The following CCDC3 variants were observed in gnomAD, a reference collection of about 807,000 sequenced individuals.
The protein encoded by CCDC3 is coiled-coil domain-containing protein 3.
In CCDC3, 24 loss-of-function variants were observed where a neutral mutation model predicts 21.4. The observed-to-expected ratio is 1.12, with a 90% CI of 0.81 to 1.58. The LOEUF is 1.58. Ranked by LOEUF, CCDC3 falls within the 40% of genes most tolerant of loss-of-function variation. The pLI is 0.00. For synonymous variants in CCDC3, 186 were observed against 166.0 expected (o/e 1.12, Z -0.93); for missense variants, 425 against 360.9 (o/e 1.18, Z -1.44).
At chr10:12,978,937 G>T (rs1835457481) in intron 2 of CCDC3, among the ~76,000 whole-genome samples, 1 of 152,090 alleles carries the variant, frequency 6.6e-6, no homozygotes, top group Non-Finnish European at 1.5e-5. Context: ...GCAACCTTGG[G>T]AACTGAGTCA....
intron 4 of CCDC3, chr10:13,058,226 G>T: frequency 7.6e-7 from 1 of 1,311,964 alleles, no homozygotes; most frequent in South Asian, 1.2e-5. Context: ...GGTAGTTCTG[G>T]CAAGGCCTGC....
intron 2 of CCDC3, among the ~76,000 whole-genome samples, chr10:12,947,977 A>AAC (rs1272453673): frequency 6.6e-6 from 1 of 152,188 alleles, no homozygotes; most frequent in African/African-American, 2.4e-5. Flanking sequence ...CCAAGCTTTG[A>AAC]ACACATGCAG....
At chr10:13,001,780 C>A (rs1433487607), upstream of CCDC3, 1 of 188,476 alleles carries the variant, frequency 5.3e-6, no homozygotes, top group African/African-American at 2.4e-5. Context: ...GCCCGCCTCC[C>A]GCCCTGCCCC....
intron 2 of CCDC3, among the ~76,000 whole-genome samples, chr10:12,973,130 G>A (rs1307051619): frequency 6.6e-6 from 1 of 152,196 alleles, no homozygotes; most frequent in Non-Finnish European, 1.5e-5. Context: ...ACCAGGAAAA[G>A]ACAGATAAAT....
At position 12,956,241 on chromosome 10, in the gene CCDC3, C is replaced by T. The variant is rs572038433; in HGVS notation, c.549+42097G>A. On this transcript the variant is annotated intron_variant, in intron 2 of 2. Transcript: ENST00000378825. ...CAAGAAGAAATGAAAAGTTTCTTAT[C>T]CCATCATTCTATGTCTTTTCAAAGT... is the stretch of plus-strand genomic sequence containing the variant. 2.0e-5 allele frequency among the ~76,000 whole-genome samples: 3 copies of T among 152,348 alleles called. No individual in the cohort carries two copies. The East Asian group carries it at 5.8e-4, about 29-fold the overall frequency.
intron 2 of CCDC3, among the ~76,000 whole-genome samples, chr10:12,926,949 T>C (rs889857136): frequency 6.6e-6 from 1 of 152,052 alleles, no homozygotes; most frequent in Non-Finnish European, 1.5e-5. Context: ...ACTAGAAAGA[T>C]GAATAAAATA....
chr10:12,920,721 G>T (rs1834437859), intron 2 of CCDC3, among the ~76,000 whole-genome samples: 1 of 152,102 alleles, frequency 6.6e-6, no homozygotes, highest in Non-Finnish European at 1.5e-5. Context: ...CACCCATATG[G>T]GAGGTTGTAC....
At chr10:13,066,447 T>G (rs1421057791) in intron 4 of CCDC3, among the ~76,000 whole-genome samples, 1 of 152,260 alleles carries the variant, frequency 6.6e-6, no homozygotes. Flanking sequence ...CCACAGATTT[T>G]ATAATTAAGC....
At chr10:12,973,863 T>G (rs148507963) in intron 2 of CCDC3, among the ~76,000 whole-genome samples, 1 of 152,360 alleles carries the variant, frequency 6.6e-6, no homozygotes, top group Non-Finnish European at 1.5e-5. Flanking sequence ...ATGTGGTTTT[T>G]TAAAATAAAG....
chr10:13,011,447 A>C (rs922568544), intron 5 of CCDC3, among the ~76,000 whole-genome samples: 2 of 152,202 alleles, frequency 1.3e-5, no homozygotes, highest in African/African-American at 4.8e-5. Flanking sequence ...ATTGCTACAA[A>C]AAGAATACAA....
intron 5 of CCDC3, among the ~76,000 whole-genome samples, chr10:13,014,458 G>GAAA (rs59613788): frequency 1.3e-5 from 1 of 78,400 alleles, no homozygotes; most frequent in Non-Finnish European, 2.4e-5. Flanking sequence ...TCAAAAAAAA[G>GAAA]AAAAAAAAAA....
At chr10:13,048,358 A>ATT (rs201335697) in intron 5 of CCDC3, among the ~76,000 whole-genome samples, 36 of 151,816 alleles carry the variant, frequency 2.4e-4, no homozygotes, top group Middle Eastern at 3.4e-3. Context: ...CACCTGGCTA[A>ATT]TTTTTTTGTA....
intron 5 of CCDC3, among the ~76,000 whole-genome samples, chr10:13,049,179 A>G (rs1836571085): frequency 2.0e-5 from 3 of 152,200 alleles, no homozygotes; most frequent in African/African-American, 2.4e-5. Flanking sequence ...GAGATTAGTC[A>G]ATATTCTATG....
At chr10:12,977,823 T>G (rs1835438573) in intron 2 of CCDC3, among the ~76,000 whole-genome samples, 1 of 152,194 alleles carries the variant, frequency 6.6e-6, no homozygotes, top group African/African-American at 2.4e-5. Flanking sequence ...GTAAGAATCA[T>G]GTTCATTAGC....
intron 4 of CCDC3, among the ~76,000 whole-genome samples, chr10:13,052,269 A>T (rs1213692049): frequency 1.3e-5 from 2 of 152,062 alleles, no homozygotes; most frequent in African/African-American, 2.4e-5. Context: ...AGCTACTCAG[A>T]GGCTGAGGCG....
chr10:12,919,347 T>C (rs1440885349), intron 2 of CCDC3, among the ~76,000 whole-genome samples: 1 of 152,112 alleles, frequency 6.6e-6, no homozygotes, highest in Admixed American at 6.5e-5. Context: ...CCCAGCACTT[T>C]GGGAGGCTGA....
At chr10:12,957,336 C>G (rs1303264096) in intron 2 of CCDC3, among the ~76,000 whole-genome samples, 1 of 152,244 alleles carries the variant, frequency 6.6e-6, no homozygotes, top group African/African-American at 2.4e-5. Flanking sequence ...CTCTCCTGCA[C>G]TGCAGTAATA....
chr10:13,075,268 G>C (rs904241725), intron 3 of CCDC3, among the ~76,000 whole-genome samples: 1 of 152,166 alleles, frequency 6.6e-6, no homozygotes, highest in Non-Finnish European at 1.5e-5. Context: ...ACAACTTTTT[G>C]TTTTGCGTAT....
chr10:12,960,780 C>G (rs548954447), intron 2 of CCDC3, among the ~76,000 whole-genome samples: 7 of 152,288 alleles, frequency 4.6e-5, no homozygotes, highest in African/African-American at 1.4e-4. Flanking sequence ...CTGAGCTCCG[C>G]CTGCCAGGTC....
Sources: allele counts gnomAD v4.1 joint callset (sites outside exome capture counted in the v4.1 genomes callset), GRCh38; gene constraint gnomAD v4.1.1; transcripts MANE v1.5; gene names NCBI Gene and HGNC (gene_info 2026-07-23, HGNC 2026-07-21).